The following POU6F2 variants were observed in gnomAD, a reference collection of about 807,000 sequenced individuals.
POU6F2 encodes POU domain, class 6, transcription factor 2.
POU6F2 carries 31 observed loss-of-function variants against 71.3 expected under a neutral mutation model. The ratio of observed to expected loss-of-function variants is 0.43; its 90% CI spans 0.33 to 0.59. POU6F2 has a LOEUF of 0.59. Among genes scored for constraint, POU6F2 ranks in the 20% least tolerant of loss-of-function variants. The pLI is 0.04. For synonymous variants in POU6F2, 347 were observed against 355.7 expected, an observed-to-expected ratio of 0.98 and a Z score of 0.27; for missense variants, 783 against 856.8, an observed-to-expected ratio of 0.91 and a Z score of 1.07.
intron 4 of POU6F2, among the ~76,000 whole-genome samples, chr7:39,320,359 C>T (rs1785360732): frequency 6.6e-6 from 1 of 152,160 alleles, no homozygotes; most frequent in Non-Finnish European, 1.5e-5. Flanking sequence ...CAGATGCTGT[C>T]AGTCATCAGG....
At chr7:39,124,706 G>T (rs1039491821) in intron 2 of POU6F2, among the ~76,000 whole-genome samples, 4 of 152,082 alleles carry the variant, frequency 2.6e-5, no homozygotes, top group Non-Finnish European at 1.5e-5. Context: ...AAACAACCAC[G>T]TTTCGGGGAC....
intron 4 of POU6F2, among the ~76,000 whole-genome samples, chr7:39,223,628 C>A (rs1304504513): frequency 6.6e-6 from 1 of 152,080 alleles, no homozygotes; most frequent in African/African-American, 2.4e-5. Flanking sequence ...GCATTTTTCC[C>A]CAACCTTGAA....
At chr7:39,273,959 T>C (rs1470740855) in intron 4 of POU6F2, among the ~76,000 whole-genome samples, 1 of 152,172 alleles carries the variant, frequency 6.6e-6, no homozygotes, top group Non-Finnish European at 1.5e-5. Flanking sequence ...AAAATATTTA[T>C]AATAACTGCA....
At chr7:39,259,997 C>T (rs1784100466) in intron 4 of POU6F2, among the ~76,000 whole-genome samples, 1 of 1,648 alleles carries the variant, frequency 6.1e-4, no homozygotes, top group African/African-American at 1.2e-3. Context: ...ACCACAAGCA[C>T]ACACCACACC....
Position 39,214,907 on chromosome 7 carries a change from G to A in POU6F2, c.598+7287G>A, listed in dbSNP as rs148660598. Among the ~76,000 whole-genome samples the A allele has an allele frequency of 1.4e-4, 22 of 152,294 alleles. No individual in the cohort carries two copies. In the South Asian group the frequency reaches 2.3e-3, roughly 16 times the overall value. The stretch of plus-strand genomic sequence containing the variant: ...TTGTATGCTTTGCCTGTGTGTGAGC[G>A]TGGCCATCATAGAGCCTGAAATGTT... On this transcript the variant is annotated intron_variant, in intron 4 of 9. Coordinates refer to ENST00000518318, the MANE Select transcript of POU6F2 (RefSeq NM_001370959.1).
At chr7:39,209,367 A>AT (rs1414065502) in intron 4 of POU6F2, among the ~76,000 whole-genome samples, 1 of 152,154 alleles carries the variant, frequency 6.6e-6, no homozygotes, top group Non-Finnish European at 1.5e-5. Context: ...TCTCAGCATC[A>AT]TCTTCAGAAG....
chr7:39,269,425 C>T (rs1784305187), intron 4 of POU6F2, among the ~76,000 whole-genome samples: 1 of 152,228 alleles, frequency 6.6e-6, no homozygotes, highest in African/African-American at 2.4e-5. Context: ...CCTCCCCAGT[C>T]CTGTGACAGC....
chr7:39,111,413 T>C (rs778370336), intron 2 of POU6F2, among the ~76,000 whole-genome samples: 14 of 152,202 alleles, frequency 9.2e-5, no homozygotes, highest in African/African-American at 3.1e-4. Context: ...GTGAAGAGTT[T>C]TACCTTTACT....
intron 2 of POU6F2, among the ~76,000 whole-genome samples, chr7:39,196,137 C>T (rs1363379736): frequency 6.6e-6 from 1 of 152,148 alleles, no homozygotes; most frequent in South Asian, 2.1e-4. Context: ...AGTGATTCGG[C>T]GGCCAGCCAG....
In POU6F2 at chr7:39,340,007, C is replaced by T. The variant is rs766396468; in HGVS notation, c.964C>T (p.Pro322Ser). The T allele has an allele frequency of 7.5e-6, 12 of 1,607,906 alleles. No individual in the cohort carries two copies. Among genetic ancestry groups the T allele is most frequent in the Non-Finnish European group, 1.0e-5 (12 of 1,175,406 alleles). ...GCCTTCACCGCTCACGCCACCCAAT[C>T]CTCTACAGGTATGCTCCCCGTGCTT... Reference protein sequence around the residue: ...GLPSPLTPPNPLQLVNNPLAS... With the variant: ...GLPSPLTPPNSLQLVNNPLAS... The change falls in exon 5 of 10, where the codon CCT becomes TCT. Residue 322 changes from proline to serine, a missense_variant. Physicochemically the swap from Pro to Ser is moderately conservative, Grantham distance 74 (BLOSUM62 -1). Coordinates refer to ENST00000518318, the MANE Select transcript of POU6F2 (RefSeq NM_001370959.1).
chr7:39,400,128 T>C (rs1185421520), intron 5 of POU6F2, among the ~76,000 whole-genome samples: 1 of 152,142 alleles, frequency 6.6e-6, no homozygotes. Context: ...TCTATCCCCA[T>C]AGTCACAGGG....
intron 1 of POU6F2, among the ~76,000 whole-genome samples, chr7:39,039,361 T>A (rs1790131183): frequency 6.6e-6 from 1 of 151,998 alleles, no homozygotes; most frequent in African/African-American, 2.4e-5. Context: ...ATTAGTCAAT[T>A]TCCATTGCAA....
At chr7:39,223,128 G>T (rs2128748755) in intron 4 of POU6F2, among the ~76,000 whole-genome samples, 1 of 152,172 alleles carries the variant, frequency 6.6e-6, no homozygotes, top group South Asian at 2.1e-4. Flanking sequence ...TATCCTGTTG[G>T]GTGTGAAGTG....
At chr7:39,115,081 G>A (rs1447068296) in intron 2 of POU6F2, among the ~76,000 whole-genome samples, 1 of 152,158 alleles carries the variant, frequency 6.6e-6, no homozygotes, top group Non-Finnish European at 1.5e-5. Context: ...GGTGCGTGTG[G>A]AAAGCAAACC....
intron 1 of POU6F2, among the ~76,000 whole-genome samples, chr7:39,071,322 G>A (rs1226514968): frequency 1.3e-5 from 2 of 151,970 alleles, no homozygotes; most frequent in Non-Finnish European, 2.9e-5. Flanking sequence ...CCGACAGGAG[G>A]CAGAGCTCAG....
intron 1 of POU6F2, among the ~76,000 whole-genome samples, chr7:39,031,618 C>T (rs747635807): frequency 6.6e-6 from 1 of 152,096 alleles, no homozygotes; most frequent in Non-Finnish European, 1.5e-5. Flanking sequence ...CACAGTGGCT[C>T]ACACCTGTAA....
intron 2 of POU6F2, among the ~76,000 whole-genome samples, chr7:39,152,698 G>C (rs1039368035): frequency 6.6e-6 from 1 of 152,114 alleles, no homozygotes; most frequent in East Asian, 1.9e-4. Context: ...CCACCAGCGA[G>C]ACACACTCAG....
intron 1 of POU6F2, among the ~76,000 whole-genome samples, chr7:39,038,005 C>G (rs1369388644): frequency 6.6e-6 from 1 of 152,054 alleles, no homozygotes; most frequent in Non-Finnish European, 1.5e-5. Flanking sequence ...GAAAGGAGTT[C>G]TCACTGGAAA....
At position 39,240,290 on chromosome 7, in the gene POU6F2, G is replaced by A. The variant is rs987586932; in HGVS notation, c.598+32670G>A. 3.3e-5 allele frequency among the ~76,000 whole-genome samples: 5 copies of A among 152,246 alleles called. No individual in the cohort carries two copies. In the South Asian group the frequency reaches 1.0e-3, roughly 32 times the overall value. On this transcript the variant is annotated intron_variant, in intron 4 of 9. Transcript: ENST00000518318. The stretch of plus-strand genomic sequence containing the variant: ...CACATAAATGATCCTTCAAAAGGAT[G>A]TTGTGTCTAAAAATAATCTAAAGAA...
Sources: allele counts gnomAD v4.1 joint callset (sites outside exome capture counted in the v4.1 genomes callset), GRCh38; gene constraint gnomAD v4.1.1; transcripts MANE v1.5; gene names NCBI Gene and HGNC (gene_info 2026-07-23, HGNC 2026-07-21).